ZFAND6: variants seen among roughly 807,000 people sequenced by gnomAD.
ZFAND6 encodes AN1-type zinc finger protein 6.
In ZFAND6, 12 loss-of-function variants were observed where a neutral mutation model predicts 24.5. The ratio of observed to expected loss-of-function variants is 0.49; its 90% CI spans 0.31 to 0.79. The LOEUF (loss-of-function observed/expected upper bound fraction) is 0.79. Ranked by LOEUF, ZFAND6 falls within the 30% of genes least tolerant of loss-of-function variation. ZFAND6 has a pLI of 0.04. For missense variants in ZFAND6, 207 were observed against 245.9 expected, an observed-to-expected ratio of 0.84 and a Z score of 1.06; for synonymous variants, 92 against 81.5, an observed-to-expected ratio of 1.13 and a Z score of -0.69.
At chr15:80,115,626 AGTCTTTC>A (rs2039839058) in intron 2 of ZFAND6, among the ~76,000 whole-genome samples, 1 of 152,152 alleles carries the variant, frequency 6.6e-6, no homozygotes, top group Non-Finnish European at 1.5e-5. Flanking sequence ...TGTCTTTTTC[AGTCTTTC>A]TGACTCTTCA....
chr15:80,061,259 TGTA>T (rs1286391353), intron 1 of ZFAND6, among the ~76,000 whole-genome samples: 9 of 152,254 alleles, frequency 5.9e-5, no homozygotes, highest in Admixed American at 3.9e-4. Flanking sequence ...TTTATTATCT[TGTA>T]GTGATAACTT....
At chr15:80,073,343 A>T (rs953660419) in intron 1 of ZFAND6, 22 of 331,568 alleles carry the variant, frequency 6.6e-5, no homozygotes, top group Non-Finnish European at 1.3e-4. Context: ...AGGCTACTAC[A>T]ACTTTTTTTT....
intron 2 of ZFAND6, among the ~76,000 whole-genome samples, chr15:80,118,956 A>T (rs74727568): frequency 1.3e-5 from 2 of 152,346 alleles, no homozygotes; most frequent in South Asian, 4.1e-4. Flanking sequence ...AGGAAATTTC[A>T]GTGGCAAAAC....
intron 1 of ZFAND6, among the ~76,000 whole-genome samples, chr15:80,091,063 TACTTG>T (rs2141897532): frequency 6.6e-6 from 1 of 152,284 alleles, no homozygotes. Context: ...CCATAGGTGT[TACTTG>T]ACTTGGCCAC....
At chr15:80,127,930 C>G (rs1271411274) in intron 5 of ZFAND6, among the ~76,000 whole-genome samples, 1 of 152,022 alleles carries the variant, frequency 6.6e-6, no homozygotes, top group Non-Finnish European at 1.5e-5. Context: ...AAAATAGAAA[C>G]TACTGAGATG....
chr15:80,083,168 T>A (rs1021897773), intron 1 of ZFAND6, among the ~76,000 whole-genome samples: 1 of 152,014 alleles, frequency 6.6e-6, no homozygotes, highest in Non-Finnish European at 1.5e-5. Context: ...ATTTTTGTAT[T>A]TTTTAGTAGA....
At chr15:80,104,531 CAGT>C (rs1403723490) in intron 2 of ZFAND6, among the ~76,000 whole-genome samples, 7 of 151,194 alleles carry the variant, frequency 4.6e-5, no homozygotes, top group Non-Finnish European at 7.4e-5. Context: ...ATCAGTCAGT[CAGT>C]CAATCCATCC....
intron 2 of ZFAND6, among the ~76,000 whole-genome samples, chr15:80,099,769 A>G (rs976069086): frequency 1.3e-5 from 2 of 152,136 alleles, no homozygotes; most frequent in Non-Finnish European, 2.9e-5. Context: ...GGCATGCGCC[A>G]CCATGCCCGG....
intron 1 of ZFAND6, among the ~76,000 whole-genome samples, chr15:80,079,973 A>C (rs934133025): frequency 2.0e-5 from 3 of 150,402 alleles, no homozygotes; most frequent in African/African-American, 7.3e-5. Context: ...AACAGAATAC[A>C]CAACCGTTTT....
chr15:80,118,081 A>G (rs1374887109), intron 2 of ZFAND6, among the ~76,000 whole-genome samples: 2 of 151,804 alleles, frequency 1.3e-5, no homozygotes, highest in Non-Finnish European at 2.9e-5. Flanking sequence ...TACATACTAT[A>G]TATACACACA....
intron 1 of ZFAND6, among the ~76,000 whole-genome samples, chr15:80,066,593 G>A (rs1208397872): frequency 1.3e-5 from 2 of 152,004 alleles, no homozygotes; most frequent in South Asian, 2.1e-4. Context: ...GATTACAGGC[G>A]TGAGCCACCA....
At chr15:80,108,632 A>G (rs116331734) in intron 2 of ZFAND6, among the ~76,000 whole-genome samples, 1,537 of 152,312 alleles carry the variant, frequency 0.01, 24 homozygotes, top group African/African-American at 0.034. Flanking sequence ...ACTGTTTGGT[A>G]TGCTAAATTA....
At chr15:80,124,427 C>A (rs1456554495) in intron 5 of ZFAND6, among the ~76,000 whole-genome samples, 3 of 148,566 alleles carry the variant, frequency 2.0e-5, no homozygotes, top group South Asian at 2.1e-4. Flanking sequence ...AGCGAGACTC[C>A]GTCTCAAAAA....
In ZFAND6 at chr15:80,131,280, A is replaced by T; in HGVS notation, c.465A>T (p.Lys155Asn). The T allele has an allele frequency of 6.2e-7, 1 of 1,613,246 alleles. No individual in the cohort carries two copies. The highest frequency in any genetic ancestry group is 8.5e-7 in the Non-Finnish European group (1 of 1,179,460). ...ATCGCTGTTTCATGTGCAGGAAGAA[A>T]GTGGGACTTACTGGTAAGGACCTAA... ...KKNRCFMCRK[K>N]VGLTGFECRC... Residue 155 changes from lysine to asparagine, a missense_variant, in exon 6 of 7, where the codon AAA becomes AAT. Transcript: ENST00000261749.
chr15:80,062,617 C>T (rs2036396018), intron 1 of ZFAND6, among the ~76,000 whole-genome samples: 2 of 152,126 alleles, frequency 1.3e-5, no homozygotes, highest in Admixed American at 1.3e-4. Flanking sequence ...GAGATGGTTT[C>T]ATTTTTTCTA....
intron 2 of ZFAND6, among the ~76,000 whole-genome samples, chr15:80,119,281 A>G (rs562332797): frequency 1.5e-4 from 23 of 152,268 alleles, no homozygotes; most frequent in Non-Finnish European, 1.3e-4. Flanking sequence ...AGTATTTTTT[A>G]GTTATAAATA....
rs537091598 is a variant in ZFAND6, at chr15:80,136,357, C to T, written c.479-1123C>T. Reference sequence around the variant, plus strand: ...GCGTGCACCTGTAATCCCAGCTACTCGGGAGACTGAGGCAGGAGAATGGCT... The same window carrying T: ...GCGTGCACCTGTAATCCCAGCTACTTGGGAGACTGAGGCAGGAGAATGGCT... On this transcript the variant is annotated intron_variant, in intron 6 of 6. Coordinates refer to ENST00000261749, the MANE Select transcript of ZFAND6 (RefSeq NM_019006.4). Among the ~76,000 whole-genome samples the T allele has an allele frequency of 7.5e-4, 114 of 151,862 alleles. 1 individual carries two copies. The South Asian group carries it at 8.3e-3, about 11-fold the overall frequency.
intron 6 of ZFAND6, among the ~76,000 whole-genome samples, chr15:80,134,117 A>G (rs572315854): frequency 1.3e-5 from 2 of 151,714 alleles, no homozygotes; most frequent in Non-Finnish European, 2.9e-5. Context: ...CCTCCCTAGT[A>G]GCTGGGATTA....
chr15:80,084,300 G>T (rs563633890), intron 1 of ZFAND6, among the ~76,000 whole-genome samples: 1 of 152,298 alleles, frequency 6.6e-6, no homozygotes, highest in African/African-American at 2.4e-5. Context: ...GTGCAGACAC[G>T]ATGCTGAAAG....
Sources: gnomAD v4.1 joint callset for allele counts (sites outside exome capture counted in the v4.1 genomes callset) on GRCh38, gnomAD v4.1.1 for gene constraint, MANE v1.5 for transcripts, NCBI Gene and HGNC (gene_info 2026-07-23, HGNC 2026-07-21) for gene names.